KAZN: variants seen among roughly 807,000 people sequenced by gnomAD.
KAZN encodes kazrin, periplakin interacting protein, also known as kazrin.
In KAZN, 40 loss-of-function variants were observed where a neutral mutation model predicts 87.4. The ratio of observed to expected loss-of-function variants is 0.46; its 90% CI spans 0.36 to 0.60. KAZN has a LOEUF of 0.60. KAZN is among the 20% of genes least tolerant of loss of function. KAZN has a pLI of 0.00. For synonymous variants in KAZN, 466 were observed against 458.3 expected, an observed-to-expected ratio of 1.02 and a Z score of -0.22; for missense variants, 898 against 1,073.9, an observed-to-expected ratio of 0.84 and a Z score of 2.29.
chr1:14,563,504 A>G (rs941264575), intron 2 of KAZN, among the ~76,000 whole-genome samples: 8 of 152,150 alleles, frequency 5.3e-5, no homozygotes, highest in Non-Finnish European at 1.0e-4. Flanking sequence ...TAGCATTTGT[A>G]CCCAGCTGTC....
intron 1 of KAZN, among the ~76,000 whole-genome samples, chr1:14,166,904 G>A (rs1645839864): frequency 6.6e-6 from 1 of 152,168 alleles, no homozygotes; most frequent in African/African-American, 2.4e-5. Flanking sequence ...CAATGAGTGA[G>A]GTTTTAGCTT....
intron 2 of KAZN, among the ~76,000 whole-genome samples, chr1:14,275,829 A>G (rs1303048982): frequency 6.6e-6 from 1 of 152,214 alleles, no homozygotes; most frequent in Non-Finnish European, 1.5e-5. Context: ...CTTTTTTACA[A>G]CACAGTAAAC....
intron 1 of KAZN, among the ~76,000 whole-genome samples, chr1:14,631,423 A>G (rs540236359): frequency 4.6e-5 from 7 of 152,334 alleles, no homozygotes; most frequent in Non-Finnish European, 1.0e-4. Context: ...CCAAAATCCT[A>G]TCTGATTCAT....
intron 1 of KAZN, among the ~76,000 whole-genome samples, chr1:14,071,784 C>T (rs1216841915): frequency 6.6e-6 from 1 of 152,176 alleles, no homozygotes; most frequent in African/African-American, 2.4e-5. Context: ...CTTGTGGTCT[C>T]CCAGAAATAC....
At chr1:14,922,870 C>T (rs1658687471) in intron 1 of KAZN, among the ~76,000 whole-genome samples, 1 of 151,698 alleles carries the variant, frequency 6.6e-6, no homozygotes, top group African/African-American at 2.4e-5. Context: ...GGCCAGTTTC[C>T]ATCATTGGGA....
chr1:14,350,886 A>G (rs1658494080), intron 2 of KAZN: 1 of 152,410 alleles, frequency 6.6e-6, no homozygotes, highest in South Asian at 2.1e-4. Flanking sequence ...GAGGTTAGCG[A>G]GTTCTCATGA....
chr1:14,082,579 G>A (rs899806402), intron 1 of KAZN, among the ~76,000 whole-genome samples: 1 of 152,184 alleles, frequency 6.6e-6, no homozygotes, highest in Non-Finnish European at 1.5e-5. Context: ...TGCCCAGGAA[G>A]GATAACAAAA....
chr1:14,053,742 G>A (rs1642434600), intron 1 of KAZN, among the ~76,000 whole-genome samples: 1 of 152,164 alleles, frequency 6.6e-6, no homozygotes, highest in Non-Finnish European at 1.5e-5. Context: ...GAACAATGCA[G>A]GGATTAGAGG....
At chr1:14,535,483 T>C (rs1047550076) in intron 2 of KAZN, among the ~76,000 whole-genome samples, 1 of 152,068 alleles carries the variant, frequency 6.6e-6, no homozygotes, top group South Asian at 2.1e-4. Context: ...CTGGCCAACA[T>C]GGTGAAACCC....
chr1:14,274,115 T>C (rs1640112332), intron 2 of KAZN, among the ~76,000 whole-genome samples: 1 of 152,190 alleles, frequency 6.6e-6, no homozygotes, highest in Non-Finnish European at 1.5e-5. Context: ...TTGTCTGCCT[T>C]TGAACACTGA....
At chr1:14,774,155 CCT>C (rs1388487033) in intron 1 of KAZN, among the ~76,000 whole-genome samples, 1 of 152,206 alleles carries the variant, frequency 6.6e-6, no homozygotes, top group African/African-American at 2.4e-5. Context: ...CTCTCTCACC[CCT>C]GTGTCCCCAA....
At chr1:14,902,517 C>G (rs1052202528) in intron 1 of KAZN, among the ~76,000 whole-genome samples, 2 of 152,246 alleles carry the variant, frequency 1.3e-5, no homozygotes, top group Middle Eastern at 3.4e-3. Flanking sequence ...CGTGAGCCAC[C>G]GCGCCCAGCC....
intron 1 of KAZN, among the ~76,000 whole-genome samples, chr1:14,695,472 C>A (rs540153673): frequency 1.4e-5 from 2 of 146,522 alleles, no homozygotes; most frequent in East Asian, 4.1e-4. Context: ...TCTCAGGTGA[C>A]TTTGGAATGC....
intron 2 of KAZN, among the ~76,000 whole-genome samples, chr1:14,242,564 TATA>T (rs1649074548): frequency 6.6e-6 from 1 of 152,160 alleles, no homozygotes; most frequent in Non-Finnish European, 1.5e-5. Flanking sequence ...TCCCTGGCCT[TATA>T]TTTGGGTGGG....
intron 1 of KAZN, among the ~76,000 whole-genome samples, chr1:14,932,627 G>A (rs1659977052): frequency 6.6e-6 from 1 of 152,056 alleles, no homozygotes; most frequent in Admixed American, 6.6e-5. Flanking sequence ...TGTTTCCAAG[G>A]CCCGTCTTAG....
chr1:15,063,047 G>A (rs1480884189), intron 6 of KAZN: 1 of 157,264 alleles, frequency 6.4e-6, no homozygotes, highest in African/African-American at 2.4e-5. Context: ...TGGACTGTCT[G>A]CTGCCTCTCT....
chr1:14,366,333 G>C (rs977104456), intron 2 of KAZN, among the ~76,000 whole-genome samples: 1 of 152,222 alleles, frequency 6.6e-6, no homozygotes, highest in African/African-American at 2.4e-5. Context: ...AGGGTGACCA[G>C]TTCAAATCTT....
chr1:14,524,297 T>C (rs1671751583), intron 2 of KAZN, among the ~76,000 whole-genome samples: 1 of 152,032 alleles, frequency 6.6e-6, no homozygotes, highest in Non-Finnish European at 1.5e-5. Flanking sequence ...GCTGAGATTA[T>C]AGGCATGAGC....
At chr1:14,335,203 CTT>C (rs34934115) in intron 2 of KAZN, among the ~76,000 whole-genome samples, 41 of 131,188 alleles carry the variant, frequency 3.1e-4, no homozygotes, top group Admixed American at 2.3e-4. Flanking sequence ...GTCCTCCTTT[CTT>C]TTTTTTTTTT....
Sources: allele counts gnomAD v4.1 joint callset (sites outside exome capture counted in the v4.1 genomes callset), GRCh38; gene constraint gnomAD v4.1.1; transcripts MANE v1.5; gene names NCBI Gene and HGNC (gene_info 2026-07-23, HGNC 2026-07-21).